The following ATXN7 variants were observed in gnomAD, a reference collection of about 807,000 sequenced individuals.
The protein encoded by ATXN7 is ataxin-7.
ATXN7 carries 12 observed loss-of-function variants against 70.5 expected under a neutral mutation model. The observed-to-expected ratio is 0.17, with a 90% confidence interval of 0.11 to 0.28. The LOEUF is 0.28. Ranked by LOEUF, ATXN7 falls within the 10% of genes least tolerant of loss-of-function variation. The pLI, the probability that ATXN7 is intolerant of heterozygous loss-of-function variation, is 1.00. For synonymous variants in ATXN7, 498 were observed against 448.7 expected, an observed-to-expected ratio of 1.11 and a Z score of -1.39; for missense variants, 1,256 against 1,131.7, an observed-to-expected ratio of 1.11 and a Z score of -1.58.
At chr3:63,991,003 C>A in intron 11 of ATXN7, 144 bp downstream of exon 11, 1 of 1,196,052 alleles carries the variant, frequency 8.4e-7, no homozygotes, top group Non-Finnish European at 1.2e-6. Context: ...CCTTGTCATT[C>A]ATTCATTCAT....
At chr3:63,992,681 C>T (rs571280686) in intron 11 of ATXN7, among the ~76,000 whole-genome samples, 2 of 152,280 alleles carry the variant, frequency 1.3e-5, no homozygotes, top group African/African-American at 2.4e-5. Flanking sequence ...CTGCTGTCTA[C>T]TCTGTTCTGT....
Position 63,957,073 on chromosome 3 carries a change from T to C in ATXN7, c.499+4590T>C, listed in dbSNP as rs3774716. Among the ~76,000 whole-genome samples, 88 of 152,336 alleles carry C rather than the reference T, an allele frequency of 5.8e-4. No homozygotes were observed. The East Asian group carries it at 0.015, about 27-fold the overall frequency. On this transcript the variant is annotated intron_variant, in intron 5 of 12. Transcript: ENST00000674280. Reference sequence around the variant, plus strand: ...GTGGGATTAGCACAGGGTTAGCAGATGACTTGTGGGGTGTTTTTGAGGCTG... The same window carrying C: ...GTGGGATTAGCACAGGGTTAGCAGACGACTTGTGGGGTGTTTTTGAGGCTG...
At chr3:63,960,501 T>G (rs1276055675) in intron 5 of ATXN7, among the ~76,000 whole-genome samples, 1 of 152,050 alleles carries the variant, frequency 6.6e-6, no homozygotes. Flanking sequence ...CTAGTTAAGG[T>G]GAGAGCTGGA....
chr3:63,926,086 A>T (rs748481649), intron 4 of ATXN7, among the ~76,000 whole-genome samples: 2 of 152,234 alleles, frequency 1.3e-5, no homozygotes, highest in Non-Finnish European at 2.9e-5. Context: ...GTACTTATAC[A>T]ATCAAATGAA....
chr3:63,912,705 A>AGCAGCAGCC lies in ATXN7; in HGVS notation c.115_116insCGCAGCAGC (p.Gln38_Gln39insProGlnGln). On this transcript the variant is annotated inframe_insertion, in exon 3 of 13. Transcript: ENST00000674280. ...GCCCGGCAGCAGCAGCAGCAGCAGCAGCAGCAGCAGCCGCCGCCTCCGCAG... is the reference window on the plus strand; with the variant it reads ...GCCCGGCAGCAGCAGCAGCAGCAGCAGCAGCAGCCGCAGCAGCAGCCGCCGCCTCCGCAG... The AGCAGCAGCC allele has an allele frequency of 8.4e-7, 1 of 1,194,426 alleles. No individual in the cohort carries two copies. The highest frequency in any genetic ancestry group is 1.0e-6 in the Non-Finnish European group (1 of 954,978). 74.0% of individuals were successfully genotyped at this position (1,194,426 alleles called of 1,614,324 possible).
At chr3:63,895,835 G>GTT (rs1703428280) in intron 1 of ATXN7, among the ~76,000 whole-genome samples, 1 of 150,576 alleles carries the variant, frequency 6.6e-6, no homozygotes, top group Non-Finnish European at 1.5e-5. Flanking sequence ...TTTTCTCCTG[G>GTT]GGGAAACGGG....
At chr3:63,919,216 G>A (rs1416028546) in intron 4 of ATXN7, among the ~76,000 whole-genome samples, 1 of 152,146 alleles carries the variant, frequency 6.6e-6, no homozygotes, top group Non-Finnish European at 1.5e-5. Flanking sequence ...ACGTAGTGAC[G>A]GGCATTCATT....
upstream of ATXN7, chr3:63,863,617 C>G: frequency 8.4e-7 from 1 of 1,196,212 alleles, no homozygotes; most frequent in Non-Finnish European, 1.0e-6. Context: ...CGGGGAGGCC[C>G]GGGGCTCCGG....
chr3:63,923,221 A>G (rs1704572477), intron 4 of ATXN7, among the ~76,000 whole-genome samples: 1 of 152,216 alleles, frequency 6.6e-6, no homozygotes, highest in Admixed American at 6.5e-5. Context: ...ATACAACTCC[A>G]CAGAAGGTGA....
chr3:63,998,652 C>G (rs1161612522), intron 12 of ATXN7: 1 of 985,376 alleles, frequency 1.0e-6, no homozygotes, highest in East Asian at 1.1e-4. Flanking sequence ...GGGGCAAGAG[C>G]AGGGGTGCTT....
chr3:63,972,071 TG>T (rs771186848), intron 5 of ATXN7, among the ~76,000 whole-genome samples: 6 of 152,184 alleles, frequency 3.9e-5, no homozygotes, highest in Non-Finnish European at 8.8e-5. Context: ...TTTGGTGGCC[TG>T]GAAATGGATT....
chr3:63,886,383 G>A (rs1703087769), intron 1 of ATXN7, among the ~76,000 whole-genome samples: 1 of 152,196 alleles, frequency 6.6e-6, no homozygotes, highest in African/African-American at 2.4e-5. Context: ...GAAAATTGCT[G>A]AGAGTAGATC....
chr3:63,910,870 G>A (rs575980687), intron 2 of ATXN7, among the ~76,000 whole-genome samples: 12 of 151,868 alleles, frequency 7.9e-5, no homozygotes, highest in Non-Finnish European at 1.5e-4. Flanking sequence ...GTGTGTGTGC[G>A]CTTTTAAATT....
At chr3:63,876,856 G>C (rs1047039489) in intron 1 of ATXN7, among the ~76,000 whole-genome samples, 15 of 152,172 alleles carry the variant, frequency 9.9e-5, no homozygotes, top group African/African-American at 3.6e-4. Flanking sequence ...CCATATAACT[G>C]CATATGATAT....
At chr3:63,913,099 T>G in intron 3 of ATXN7, 58 bp from the exon 4 acceptor site, 1 of 1,542,542 alleles carries the variant, frequency 6.5e-7, no homozygotes, top group Non-Finnish European at 9.0e-7. Context: ...TGAGTGTGCG[T>G]CACACTCCTG....
At chr3:63,937,675 T>C (rs2074687409) in intron 4 of ATXN7, among the ~76,000 whole-genome samples, 1 of 152,202 alleles carries the variant, frequency 6.6e-6, no homozygotes, top group Non-Finnish European at 1.5e-5. Flanking sequence ...AGTAGGACCC[T>C]TAGTAAATAT....
chr3:63,921,435 T>C (rs553302034), intron 4 of ATXN7, among the ~76,000 whole-genome samples: 2 of 152,324 alleles, frequency 1.3e-5, no homozygotes, highest in South Asian at 4.1e-4. Context: ...TTATATGTAC[T>C]TCCCCTCAAA....
At chr3:63,879,617 G>A (rs186659536) in intron 1 of ATXN7, among the ~76,000 whole-genome samples, 3,448 of 150,948 alleles carry the variant, frequency 0.023, 66 homozygotes, top group African/African-American at 0.057. Flanking sequence ...TCAGCCTCCC[G>A]AGTAGCTGGG....
At chr3:63,989,021 G>C (rs757239403) in intron 9 of ATXN7, among the ~76,000 whole-genome samples, 19 of 152,238 alleles carry the variant, frequency 1.2e-4, no homozygotes, top group Non-Finnish European at 2.8e-4. Context: ...AAGAGCTTCT[G>C]CTGAGGAATG....
Sources: allele counts gnomAD v4.1 joint callset (sites outside exome capture counted in the v4.1 genomes callset), GRCh38; gene constraint gnomAD v4.1.1; transcripts MANE v1.5; gene names NCBI Gene and HGNC (gene_info 2026-07-23, HGNC 2026-07-21).